Variants in TENM4 observed in about 807,000 individuals in gnomAD.
TENM4 encodes the protein teneurin-4.
TENM4 carries 82 observed loss-of-function variants against 243.3 expected under a neutral mutation model. The observed-to-expected ratio is 0.34, with a 90% CI of 0.28 to 0.40. TENM4 has a LOEUF of 0.40. Among genes scored for constraint, TENM4 ranks in the 10% least tolerant of loss-of-function variants. The pLI is 1.00. For missense variants in TENM4, 3,138 were observed against 3,673.3 expected, an observed-to-expected ratio of 0.85 and a Z score of 3.77; for synonymous variants, 1,412 against 1,456.3, an observed-to-expected ratio of 0.97 and a Z score of 0.69.
At chr11:79,381,281 G>T (rs1247801321) in intron 1 of TENM4, among the ~76,000 whole-genome samples, 1 of 151,236 alleles carries the variant, frequency 6.6e-6, no homozygotes, top group African/African-American at 2.4e-5. Flanking sequence ...CCTCAGGAAA[G>T]CAGTCTTTAT....
rs186913461 is a variant in TENM4 at position 79,052,401 on chromosome 11, G to A, written c.493+12337C>T. 6.6e-4 allele frequency among the ~76,000 whole-genome samples: 101 copies of A among 152,232 alleles called. 1 individual carries two copies. Among genetic ancestry groups the A allele is most frequent in the East Asian group, 5.8e-3 (30 of 5,178 alleles). On this transcript the variant is annotated intron_variant, in intron 6 of 33. Transcript: ENST00000278550. ...ATGGTGAGCTTTCTTTCGTATGTTT[G>A]TTGGCCGCATGTATATCTTCTTTTG... is the stretch of plus-strand genomic sequence containing the variant.
At chr11:79,162,233 C>T (rs1269962869) in intron 3 of TENM4, among the ~76,000 whole-genome samples, 3 of 152,186 alleles carry the variant, frequency 2.0e-5, no homozygotes, top group Admixed American at 1.3e-4. Context: ...GACCACCTGG[C>T]ATTAAATCCT....
chr11:79,298,617 A>G (rs1289104757), intron 1 of TENM4, among the ~76,000 whole-genome samples: 2 of 152,068 alleles, frequency 1.3e-5, no homozygotes. Context: ...AGGCTAAGGA[A>G]AAGAGAAGGA....
At chr11:78,873,093 C>A (rs535125276) in intron 9 of TENM4, among the ~76,000 whole-genome samples, 42 of 152,296 alleles carry the variant, frequency 2.8e-4, no homozygotes, top group African/African-American at 9.6e-4. Context: ...CCTTTACACC[C>A]TACAGCTTCC....
intron 3 of TENM4, among the ~76,000 whole-genome samples, chr11:79,150,950 T>C (rs1862496727): frequency 6.6e-6 from 1 of 152,140 alleles, no homozygotes; most frequent in Non-Finnish European, 1.5e-5. Context: ...ATTTTACAGA[T>C]GAGAAAATAG....
At chr11:79,409,101 T>TGTGCGC (rs1471534971) in intron 1 of TENM4, among the ~76,000 whole-genome samples, 2 of 103,674 alleles carry the variant, frequency 1.9e-5, no homozygotes, top group African/African-American at 8.9e-5. Context: ...TGTGTGTGTG[T>TGTGCGC]GCGCGCGCGC....
rs191286653 is a variant in TENM4, at chr11:79,369,190, T to C, written c.-321+71319A>G. On this transcript the variant is annotated intron_variant, in intron 1 of 33. Transcript: ENST00000278550. ...TGCAGCTGGCAGGGCCAGGAGTCAC[T>C]CCAAATGACACCACCAAATTACCAA... 2.1e-3 allele frequency among the ~76,000 whole-genome samples: 317 copies of C among 152,208 alleles called. 3 individuals are homozygous for C. The highest frequency in any genetic ancestry group is 7.1e-3 in the African/African-American group (293 of 41,524).
At chr11:78,747,766 A>C (rs1481324490) in intron 19 of TENM4, among the ~76,000 whole-genome samples, 1 of 152,252 alleles carries the variant, frequency 6.6e-6, no homozygotes, top group Non-Finnish European at 1.5e-5. Flanking sequence ...ATTGAGGGCA[A>C]TATTAGTAAT....
At chr11:79,075,233 C>T (rs540517531) in intron 4 of TENM4, among the ~76,000 whole-genome samples, 8 of 152,214 alleles carry the variant, frequency 5.3e-5, no homozygotes, top group South Asian at 2.1e-4. Context: ...GAAGAGCCTG[C>T]GGCTTAGAGA....
At chr11:79,224,123 T>C (rs1257634045) in intron 2 of TENM4, among the ~76,000 whole-genome samples, 3 of 152,194 alleles carry the variant, frequency 2.0e-5, no homozygotes, top group African/African-American at 7.2e-5. Flanking sequence ...CCATAGAAGA[T>C]GTGGAGTGTA....
chr11:78,687,033 C>T (rs184054626), intron 29 of TENM4, among the ~76,000 whole-genome samples: 52 of 152,312 alleles, frequency 3.4e-4, no homozygotes, highest in African/African-American at 1.2e-3. Flanking sequence ...AGTCACTACA[C>T]TGTCTAAAGA....
intron 9 of TENM4, among the ~76,000 whole-genome samples, chr11:78,867,871 C>A (rs1442048779): frequency 2.0e-5 from 3 of 152,062 alleles, no homozygotes; most frequent in African/African-American, 7.2e-5. Flanking sequence ...GGACCCTGTG[C>A]TCCCAAGCCA....
intron 4 of TENM4, among the ~76,000 whole-genome samples, chr11:79,091,250 A>G (rs547109706): frequency 1.1e-4 from 17 of 152,184 alleles, no homozygotes; most frequent in Non-Finnish European, 2.4e-4. Flanking sequence ...TGAATGAATG[A>G]TTTATAAAGT....
chr11:78,931,020 G>A (rs761995855), intron 6 of TENM4, among the ~76,000 whole-genome samples: 3 of 152,150 alleles, frequency 2.0e-5, no homozygotes, highest in Non-Finnish European at 4.4e-5. Flanking sequence ...TGTTCCTTAA[G>A]CAAACATCTA....
chr11:79,181,162 C>G (rs1863275380), intron 3 of TENM4, among the ~76,000 whole-genome samples: 1 of 152,102 alleles, frequency 6.6e-6, no homozygotes, highest in Admixed American at 6.6e-5. Flanking sequence ...AGGCCACTAT[C>G]TCTCAGGAGC....
intron 3 of TENM4, among the ~76,000 whole-genome samples, chr11:79,159,364 A>G (rs545842339): frequency 6.6e-6 from 1 of 152,346 alleles, no homozygotes; most frequent in East Asian, 1.9e-4. Flanking sequence ...ACTAGGTAGC[A>G]TCACCCTTAT....
rs955932588 is a variant in TENM4, at chr11:79,069,828, G to A, written c.117C>T (p.Tyr39=). ...AGGCCTTCAGGGTCTCGCTGGAGCT[G>A]TACGATTTCTGCGGGGCTTTGCCCT... ...SEEGKAPQKS[Y]SSSETLKAYD... Residue 39 remains tyrosine, a synonymous_variant, in exon 5 of 34, where the codon TAC becomes TAT. Transcript: ENST00000278550. The A allele has an allele frequency of 1.3e-6, 2 of 1,550,974 alleles. No homozygotes were observed. Among genetic ancestry groups the A allele is most frequent in the African/African-American group, 1.4e-5 (1 of 73,178 alleles).
intron 4 of TENM4, chr11:79,096,712 G>A (rs17137702): frequency 0.25 from 37,889 of 152,374 alleles, 5,104 homozygotes; most frequent in East Asian, 0.43. Context: ...ATGGACCCGT[G>A]GCCCAGGATA....
At chr11:79,389,568 C>T (rs1858187605) in intron 1 of TENM4, among the ~76,000 whole-genome samples, 1 of 152,230 alleles carries the variant, frequency 6.6e-6, no homozygotes, top group Non-Finnish European at 1.5e-5. Context: ...TGCTATAGTC[C>T]AGGCATCTGC....
Sources: allele counts gnomAD v4.1 joint callset (sites outside exome capture counted in the v4.1 genomes callset), GRCh38; gene constraint gnomAD v4.1.1; transcripts MANE v1.5; gene names NCBI Gene and HGNC (gene_info 2026-07-23, HGNC 2026-07-21).